The following SLC36A1 variants were observed in gnomAD, a reference collection of about 807,000 sequenced individuals.
SLC36A1 encodes solute carrier family 36 member 1.
Under a neutral mutation model 47.5 loss-of-function variants are expected in SLC36A1, and 30 were observed. The observed-to-expected ratio is 0.63, with a 90% CI of 0.47 to 0.86. SLC36A1 has a LOEUF of 0.86. Among genes scored for constraint, SLC36A1 ranks in the 40% least tolerant of loss-of-function variants. The pLI is 0.00. For missense variants in SLC36A1, 517 were observed against 606.0 expected (o/e 0.85, Z 1.54); for synonymous variants, 255 against 249.7 (o/e 1.02, Z -0.20).
chr5:151,467,633 C>T lies in SLC36A1; in HGVS notation c.505-74C>T, dbSNP rs545148505. On this transcript the variant is annotated intron_variant, in intron 6 of 10. Coordinates refer to ENST00000243389, the MANE Select transcript of SLC36A1 (RefSeq NM_078483.4). ...CACACCTGAGCCTTTCCTCAGGAAC[C>T]TCTTCCAGCAGAGGATCCACCGGCC... 1.5e-5 allele frequency: 19 copies of T among 1,297,456 alleles called. No homozygotes were observed. The South Asian group carries it at 2.0e-4, about 13-fold the overall frequency. The allele number at this position is 1,297,456 out of a possible 1,614,324, so 80.4% of individuals were successfully genotyped here.
At chr5:151,352,218 A>T in the SLC36A1 span, among the ~76,000 whole-genome samples, 2 of 151,618 alleles carry the variant, frequency 1.3e-5, no homozygotes, top group South Asian at 2.1e-4. Context: ...TCTCAGTCAT[A>T]CCCCTGCTTT....
chr5:151,551,421 C>T, the SLC36A1 span: 1 of 1,597,432 alleles, frequency 6.3e-7, no homozygotes, highest in Non-Finnish European at 8.5e-7. Context: ...CCAAGAAGGC[C>T]TTCCATCTCC....
chr5:151,479,082 TCA>T (rs1758467158), intron 9 of SLC36A1, among the ~76,000 whole-genome samples: 2 of 152,262 alleles, frequency 1.3e-5, no homozygotes, highest in Non-Finnish European at 2.9e-5. Flanking sequence ...TAAATTGTTT[TCA>T]GTCTTTCCTT....
At chr5:151,460,374 T>C (rs2127475401) in intron 2 of SLC36A1, among the ~76,000 whole-genome samples, 1 of 152,360 alleles carries the variant, frequency 6.6e-6, no homozygotes, top group East Asian at 1.9e-4. Flanking sequence ...ACCTACCAAC[T>C]AGCAACTTTA....
the SLC36A1 span, chr5:151,366,768 A>C: frequency 6.5e-6 from 1 of 153,674 alleles, no homozygotes; most frequent in Admixed American, 6.5e-5. Context: ...CAGTATCTCA[A>C]TGTAGGTTAG....
At chr5:151,398,161 A>G in the SLC36A1 span, among the ~76,000 whole-genome samples, 5 of 152,196 alleles carry the variant, frequency 3.3e-5, no homozygotes, top group African/African-American at 1.2e-4. Flanking sequence ...TAACTGACGC[A>G]GCAACCATTG....
At chr5:151,443,640 C>A (rs1443808953), upstream of SLC36A1, among the ~76,000 whole-genome samples, 1 of 152,142 alleles carries the variant, frequency 6.6e-6, no homozygotes, top group African/African-American at 2.4e-5. Context: ...TTGATTACTT[C>A]CTTTGCTGTG....
At chr5:151,358,275 G>GTT in the SLC36A1 span, among the ~76,000 whole-genome samples, 1,660 of 148,414 alleles carry the variant, frequency 0.011, 24 homozygotes, top group African/African-American at 0.038. Context: ...TTTCTTTTCT[G>GTT]TTTTTTTTTT....
chr5:151,377,388 G>A, the SLC36A1 span, among the ~76,000 whole-genome samples: 62 of 131,174 alleles, frequency 4.7e-4, no homozygotes, highest in African/African-American at 1.8e-3. Flanking sequence ...TCGCTCTGTC[G>A]CCCAGGCTGG....
chr5:151,495,699 A>G (rs1760319425), downstream of SLC36A1, among the ~76,000 whole-genome samples: 1 of 152,122 alleles, frequency 6.6e-6, no homozygotes, highest in South Asian at 2.1e-4. Flanking sequence ...AACCTTCCCC[A>G]GAAGCCACGA....
chr5:151,375,176 A>G, the SLC36A1 span, among the ~76,000 whole-genome samples: 1 of 152,196 alleles, frequency 6.6e-6, no homozygotes, highest in Non-Finnish European at 1.5e-5. Flanking sequence ...TTCTTCTAGC[A>G]TTTTAATAGT....
At chr5:151,393,801 G>T in the SLC36A1 span, among the ~76,000 whole-genome samples, 1 of 152,010 alleles carries the variant, frequency 6.6e-6, no homozygotes, top group African/African-American at 2.4e-5. Flanking sequence ...TCCCTTTGTG[G>T]GTAACCCGAC....
At chr5:151,396,334 C>T in the SLC36A1 span, among the ~76,000 whole-genome samples, 15 of 152,050 alleles carry the variant, frequency 9.9e-5, no homozygotes, top group Non-Finnish European at 2.1e-4. Flanking sequence ...AACTCCTGAC[C>T]TTGTGATCCA....
the SLC36A1 span, among the ~76,000 whole-genome samples, chr5:151,419,661 A>G: frequency 1.1e-4 from 17 of 152,192 alleles, no homozygotes; most frequent in Non-Finnish European, 2.1e-4. Flanking sequence ...TCTGATCAGT[A>G]TGTCTGGGTG....
chr5:151,363,144 C>T, the SLC36A1 span, among the ~76,000 whole-genome samples: 1 of 152,184 alleles, frequency 6.6e-6, no homozygotes, highest in African/African-American at 2.4e-5. Flanking sequence ...TGTGTTTTGG[C>T]ACTGGATGAC....
upstream of SLC36A1, among the ~76,000 whole-genome samples, chr5:151,436,726 A>G (rs1042198910): frequency 7.6e-6 from 1 of 130,950 alleles, no homozygotes; most frequent in African/African-American, 3.8e-5. Context: ...GATACATTAT[A>G]TATGTCCTAG....
the SLC36A1 span, among the ~76,000 whole-genome samples, chr5:151,506,309 A>G: frequency 2.0e-5 from 3 of 152,226 alleles, no homozygotes; most frequent in African/African-American, 7.2e-5. Context: ...AGGCCAGCCC[A>G]TCTTGCAAAT....
At chr5:151,393,317 C>G in the SLC36A1 span, among the ~76,000 whole-genome samples, 2 of 152,082 alleles carry the variant, frequency 1.3e-5, no homozygotes, top group South Asian at 4.1e-4. Context: ...AGATGGGTCT[C>G]CTGAATACAG....
Position 151,464,558 on chromosome 5 carries a change from C to G in SLC36A1, c.279C>G (p.His93Gln). The G allele has an allele frequency of 6.2e-7, 1 of 1,614,126 alleles. No homozygotes were observed. The highest frequency in any genetic ancestry group is 8.5e-7 in the Non-Finnish European group (1 of 1,180,042). ...TGATCATAGGCATCGTGGCCGTGCACTGCATGGGTATCCTGGTGAAATGTG... is the reference window on the plus strand; with the variant it reads ...TGATCATAGGCATCGTGGCCGTGCAGTGCATGGGTATCCTGGTGAAATGTG... Reference protein sequence around the residue: ...SLLIIGIVAVHCMGILVKCAH... With the variant: ...SLLIIGIVAVQCMGILVKCAH... Residue 93 changes from histidine to glutamine, a missense_variant, in exon 4 of 11, where the codon CAC becomes CAG. By Grantham distance (24) the His-to-Gln change is conservative. Coordinates refer to ENST00000243389, the MANE Select transcript of SLC36A1 (RefSeq NM_078483.4).
Sources: gnomAD v4.1 joint callset for allele counts (sites outside exome capture counted in the v4.1 genomes callset) on GRCh38, gnomAD v4.1.1 for gene constraint, MANE v1.5 for transcripts, NCBI Gene and HGNC (gene_info 2026-07-23, HGNC 2026-07-21) for gene names.